Variants in POU6F2 observed in about 807,000 individuals in gnomAD.
POU6F2 encodes the protein POU domain, class 6, transcription factor 2.
Under a neutral mutation model 71.3 loss-of-function variants are expected in POU6F2, and 31 were observed. The ratio of observed to expected loss-of-function variants is 0.43; its 90% CI spans 0.33 to 0.59. POU6F2 has a LOEUF of 0.59. POU6F2 is among the 20% of genes least tolerant of loss of function. The pLI is 0.04. For synonymous variants in POU6F2, 347 were observed against 355.7 expected (o/e 0.98, Z 0.27); for missense variants, 783 against 856.8 (o/e 0.91, Z 1.07).
At chr7:39,017,272 T>C (rs375517534) in intron 1 of POU6F2, among the ~76,000 whole-genome samples, 10 of 152,326 alleles carry the variant, frequency 6.6e-5, no homozygotes, top group African/African-American at 2.2e-4. Context: ...TACCTAACAA[T>C]GAGCAAAATA....
chr7:39,316,623 TCTTGGGAGCCCC>T (rs1341714084), intron 4 of POU6F2, among the ~76,000 whole-genome samples: 1 of 152,194 alleles, frequency 6.6e-6, no homozygotes, highest in Non-Finnish European at 1.5e-5. Flanking sequence ...AAGACTTATG[TCTTGGGAGCCCC>T]TAAGTTGGTG....
At chr7:39,277,140 T>C (rs1427587791) in intron 4 of POU6F2, among the ~76,000 whole-genome samples, 1 of 152,166 alleles carries the variant, frequency 6.6e-6, no homozygotes, top group Non-Finnish European at 1.5e-5. Context: ...ATAGCTAAGA[T>C]TGAAGAAACA....
At chr7:39,311,285 T>TAA (rs1167283971) in intron 4 of POU6F2, among the ~76,000 whole-genome samples, 1 of 141,164 alleles carries the variant, frequency 7.1e-6, no homozygotes, top group African/African-American at 2.6e-5. Context: ...TCTAAAAAAT[T>TAA]AAAAAAAAAA....
At chr7:39,049,805 A>G (rs1329738279) in intron 1 of POU6F2, among the ~76,000 whole-genome samples, 1 of 151,930 alleles carries the variant, frequency 6.6e-6, no homozygotes, top group Non-Finnish European at 1.5e-5. Flanking sequence ...TGTCATAATA[A>G]TTTCCCTTAA....
At chr7:39,233,159 T>C (rs1794607500) in intron 4 of POU6F2, among the ~76,000 whole-genome samples, 1 of 152,206 alleles carries the variant, frequency 6.6e-6, no homozygotes, top group Admixed American at 6.5e-5. Context: ...CAGCCCACAT[T>C]CTCAATATTA....
At chr7:39,179,489 CTAT>C (rs1373734313) in intron 2 of POU6F2, among the ~76,000 whole-genome samples, 4 of 152,226 alleles carry the variant, frequency 2.6e-5, no homozygotes, top group Non-Finnish European at 5.9e-5. Flanking sequence ...TGAATCTTTG[CTAT>C]TATTATGCAT....
chr7:39,449,416 A>G (rs1282835428), intron 7 of POU6F2, among the ~76,000 whole-genome samples: 1 of 152,264 alleles, frequency 6.6e-6, no homozygotes, highest in East Asian at 1.9e-4. Flanking sequence ...TGATAAAAAC[A>G]CTTTAGGGAA....
At position 39,468,192 on chromosome 7, in the gene POU6F2, A is replaced by ATTTTT. The variant is rs3072143; in HGVS notation, c.*3517_*3521dup. ...TTGTTTATTTGTTGTTAAGAAAGTGATTTTTTTTTTTTTTTGTCCTATGTG... is the reference window on the plus strand; with the variant it reads ...TTGTTTATTTGTTGTTAAGAAAGTGATTTTTTTTTTTTTTTTTTTTGTCCTATGTG... On this transcript the variant is annotated 3_prime_UTR_variant, in exon 10 of 10. Transcript: ENST00000518318. The ATTTTT allele has an allele frequency of 1.4e-5, 2 of 140,830 alleles. No individual in the cohort carries two copies. The highest frequency in any genetic ancestry group is 1.5e-5 in the Non-Finnish European group (1 of 64,702). The allele number at this position is 140,830 out of a possible 1,614,324, so 8.7% of individuals were successfully genotyped here. A position where few individuals can be genotyped will look rare whatever the true frequency, so the allele number is the denominator to read the frequency against.
intron 4 of POU6F2, among the ~76,000 whole-genome samples, chr7:39,328,655 G>A (rs529961632): frequency 1.3e-5 from 2 of 152,270 alleles, no homozygotes; most frequent in South Asian, 4.2e-4. Context: ...GTCAAGGGGC[G>A]CTAATATTAT....
At chr7:39,423,419 G>A (rs1023213502) in intron 6 of POU6F2, among the ~76,000 whole-genome samples, 1 of 152,158 alleles carries the variant, frequency 6.6e-6, no homozygotes, top group African/African-American at 2.4e-5. Flanking sequence ...CTAATACAAT[G>A]TGGTATGCCC....
At chr7:39,404,385 T>C (rs1455552690) in intron 5 of POU6F2, among the ~76,000 whole-genome samples, 1 of 152,264 alleles carries the variant, frequency 6.6e-6, no homozygotes, top group Non-Finnish European at 1.5e-5. Flanking sequence ...ATCCAGAGAA[T>C]AATTCTATAA....
chr7:39,431,413 G>A (rs940941229), intron 6 of POU6F2, among the ~76,000 whole-genome samples: 1 of 152,188 alleles, frequency 6.6e-6, no homozygotes, highest in African/African-American at 2.4e-5. Context: ...TCCCAGTGAC[G>A]GCTGAGTCTA....
intron 7 of POU6F2, among the ~76,000 whole-genome samples, chr7:39,451,054 C>T (rs1788648444): frequency 6.6e-6 from 1 of 152,074 alleles, no homozygotes; most frequent in Non-Finnish European, 1.5e-5. Context: ...GAGGAAGTTC[C>T]CACACACACT....
At chr7:39,431,015 T>C (rs1788086618) in intron 6 of POU6F2, among the ~76,000 whole-genome samples, 1 of 152,198 alleles carries the variant, frequency 6.6e-6, no homozygotes, top group Non-Finnish European at 1.5e-5. Context: ...CTTTGAATCC[T>C]GGCTGTTTAA....
chr7:39,182,593 C>T (rs1264967703), intron 2 of POU6F2, among the ~76,000 whole-genome samples: 2 of 152,112 alleles, frequency 1.3e-5, no homozygotes, highest in Admixed American at 1.3e-4. Flanking sequence ...CTGCACTGTC[C>T]TCTTGCAAAA....
intron 6 of POU6F2, among the ~76,000 whole-genome samples, chr7:39,421,420 G>C (rs1787847217): frequency 6.6e-6 from 1 of 152,150 alleles, no homozygotes; most frequent in South Asian, 2.1e-4. Context: ...ATGAAACTGA[G>C]TGGTGATGAA....
chr7:39,274,740 T>C, intron 4 of POU6F2, among the ~76,000 whole-genome samples: 8 of 104,568 alleles, frequency 7.7e-5, no homozygotes, highest in East Asian at 2.5e-4. Context: ...GCAAGGCTGG[T>C]TCAATATATG....
At chr7:39,427,309 C>G (rs1368955789) in intron 6 of POU6F2, among the ~76,000 whole-genome samples, 2 of 152,164 alleles carry the variant, frequency 1.3e-5, no homozygotes, top group South Asian at 2.1e-4. Context: ...CAATGATCTC[C>G]TACTAGTTGG....
At chr7:39,424,503 C>A (rs1483432866) in intron 6 of POU6F2, among the ~76,000 whole-genome samples, 3 of 152,046 alleles carry the variant, frequency 2.0e-5, no homozygotes, top group Admixed American at 6.6e-5. Context: ...GTGGCAGGCA[C>A]CTACACCGTG....
Sources: gnomAD v4.1 joint callset for allele counts (sites outside exome capture counted in the v4.1 genomes callset) on GRCh38, gnomAD v4.1.1 for gene constraint, MANE v1.5 for transcripts, NCBI Gene and HGNC (gene_info 2026-07-23, HGNC 2026-07-21) for gene names.